DMD: variants seen among roughly 807,000 people sequenced by gnomAD.
DMD encodes the protein dystrophin.
A neutral mutation model predicts 330.1 loss-of-function variants in DMD; 63 were observed. The observed-to-expected ratio is 0.19, with a 90% CI of 0.16 to 0.24. The LOEUF is 0.24. Ranked by LOEUF, DMD falls within the 10% of genes least tolerant of loss-of-function variation. The pLI is 1.00. For missense variants in DMD, 3,344 were observed against 2,684.1 expected (o/e 1.25, Z -5.43); for synonymous variants, 1,223 against 959.8 (o/e 1.27, Z -5.07).
chrX:31,781,268 C>T (rs1035186619), intron 50 of DMD, among the ~76,000 whole-genome samples: 5 of 112,040 alleles, frequency 4.5e-5, no homozygotes, highest in Admixed American at 1.9e-4. Flanking sequence ...AGTGATGTTT[C>T]CAAGACAATG....
chrX:31,834,501 G>A (rs976893527), intron 49 of DMD, among the ~76,000 whole-genome samples: 4 of 111,723 alleles, frequency 3.6e-5, no homozygotes, highest in South Asian at 3.8e-4. Flanking sequence ...GTGCAACAGC[G>A]CGATCTCGGC....
intron 62 of DMD, among the ~76,000 whole-genome samples, chrX:31,320,491 A>G (rs2056332610): frequency 8.9e-6 from 1 of 112,271 alleles, no homozygotes; most frequent in Admixed American, 9.4e-5. Context: ...AACAAGATAA[A>G]AAAGAGGAAA....
At chrX:31,191,235 G>T (rs1436253450) in intron 67 of DMD, among the ~76,000 whole-genome samples, 5 of 111,411 alleles carry the variant, frequency 4.5e-5, no homozygotes, top group Non-Finnish European at 7.5e-5. Context: ...CTTAGTACAG[G>T]TCATAACCAT....
At chrX:31,887,647 A>G (rs1413100429) in intron 47 of DMD, among the ~76,000 whole-genome samples, 1 of 112,264 alleles carries the variant, frequency 8.9e-6, no homozygotes, top group Non-Finnish European at 1.9e-5. Flanking sequence ...CTCTGGAAGG[A>G]AATAATGATT....
At chrX:32,761,655 G>A (rs1476410107) in intron 7 of DMD, among the ~76,000 whole-genome samples, 3 of 111,471 alleles carry the variant, frequency 2.7e-5, no homozygotes, top group Admixed American at 9.5e-5. Context: ...TAATGTGCCC[G>A]CTTTGAGGGA....
intron 51 of DMD, among the ~76,000 whole-genome samples, chrX:31,765,514 T>C (rs1365949289): frequency 9.0e-6 from 1 of 111,544 alleles, no homozygotes; most frequent in Non-Finnish European, 1.9e-5. Flanking sequence ...TAAAAGACAG[T>C]CAATATATTT....
Position 31,932,276 on chromosome X carries a change from C to G in DMD, c.6615-49G>C, listed in dbSNP as rs369430892. ...TTATTTTTTTTTCCAACATAGTTCT[C>G]AAACTATTTGTTAATGCAAACTGGG... On this transcript the variant is annotated intron_variant, in intron 45 of 78. Transcript: ENST00000357033. The G allele has an allele frequency of 1.6e-4, 161 of 1,027,410 alleles. No homozygotes were observed. The African/African-American group carries it at 2.2e-3, about 14-fold the overall frequency. 84.7% of individuals were successfully genotyped at this position (1,027,410 alleles called of 1,213,427 possible).
Position 32,472,117 on chromosome X carries a change from G to A in DMD, c.2949+47C>T, listed in dbSNP as rs758971399. 2.3e-5 allele frequency: 27 copies of A among 1,177,960 alleles called. 1 individual carries two copies. Among genetic ancestry groups the A allele is most frequent in the Non-Finnish European group, 2.5e-5 (22 of 866,967 alleles). On this transcript the variant is annotated intron_variant, in intron 22 of 78. Transcript: ENST00000357033. ...ATTTAAAGGTTATATCAATGTGAAT[G>A]CTTGATAAGCGTGCTTTATTGTTTT...
At chrX:32,253,542 T>C (rs1246667271) in intron 43 of DMD, among the ~76,000 whole-genome samples, 2 of 111,052 alleles carry the variant, frequency 1.8e-5, no homozygotes, top group African/African-American at 3.3e-5. Flanking sequence ...TGTTAGATCA[T>C]CCTTACTCAT....
chrX:32,284,328 C>A (rs1023300818), intron 43 of DMD, among the ~76,000 whole-genome samples: 1 of 111,753 alleles, frequency 8.9e-6, no homozygotes, highest in African/African-American at 3.3e-5. Context: ...TTCTTGCCCT[C>A]TTGTACAGCT....
Position 32,491,428 on chromosome X carries a change from T to C in DMD, c.2471A>G (p.Asn824Ser). 8.3e-7 allele frequency: 1 copy of C among 1,211,743 alleles called. No individual in the cohort carries two copies. Among genetic ancestry groups the C allele is most frequent in the Non-Finnish European group, 1.1e-6 (1 of 895,358 alleles). Residue 824 changes from asparagine (N) to serine (S), a missense_variant, in exon 20 of 79, where the codon AAC (asparagine) becomes AGC (serine). Asn to Ser is a conservative substitution (Grantham distance 46). Transcript: ENST00000357033. ...GATGTTGTTCTGATACTCCAGCCAG[T>C]TAAGTCTCTCACTTAGCAACTGGCA... is the stretch of plus-strand genomic sequence containing the variant. ...EFCQLLSERL[N>S]WLEYQNNIIA... is the part of the protein sequence containing the mutation.
intron 2 of DMD, among the ~76,000 whole-genome samples, chrX:32,949,629 C>A (rs1249469024): frequency 9.9e-5 from 11 of 111,340 alleles, no homozygotes. Flanking sequence ...CCTTTACATT[C>A]AAAGTGTTGC....
intron 9 of DMD, among the ~76,000 whole-genome samples, chrX:32,695,311 G>A (rs185358127): frequency 1.8e-5 from 2 of 111,892 alleles, no homozygotes; most frequent in East Asian, 5.6e-4. Flanking sequence ...TTAAAACAGA[G>A]ACAAAAGCAC....
chrX:31,409,857 C>A (rs1173977204), intron 60 of DMD, among the ~76,000 whole-genome samples: 1 of 111,723 alleles, frequency 9.0e-6, no homozygotes, highest in Non-Finnish European at 1.9e-5. Flanking sequence ...CTTGCTCTAT[C>A]GCCCAGGCTG....
At chrX:31,522,361 C>CTATATATATATATATATA (rs1454794019) in intron 55 of DMD, among the ~76,000 whole-genome samples, 21 of 50,218 alleles carry the variant, frequency 4.2e-4, no homozygotes, top group Non-Finnish European at 5.1e-4. Context: ...CTCTCTCTCT[C>CTATATATATATATATATA]TCTATATATA....
chrX:32,991,331 C>T lies in DMD; in HGVS notation c.93+28808G>A, dbSNP rs73621852. On this transcript the variant is annotated intron_variant, in intron 2 of 78. Coordinates refer to ENST00000357033, the MANE Select transcript of DMD (RefSeq NM_004006.3). ...AAAGTATTTTGGAGCATAAACAATA[C>T]ACGCTAAATAATTGCAAATAGCTTT... is the stretch of plus-strand genomic sequence containing the variant. Among the ~76,000 whole-genome samples the T allele has an allele frequency of 2.3e-3, 252 of 111,274 alleles. 1 individual carries two copies. The highest frequency in any genetic ancestry group is 8.0e-3 in the African/African-American group (245 of 30,815).
At chrX:32,411,952 A>C (rs1320926179) in intron 29 of DMD, 39 bp from the exon 30 acceptor site, 1 of 1,195,512 alleles carries the variant, frequency 8.4e-7, no homozygotes, top group African/African-American at 1.8e-5. Context: ...TTAAATGTTT[A>C]CTCTTGATAG....
intron 52 of DMD, among the ~76,000 whole-genome samples, chrX:31,683,691 T>C (rs2082514199): frequency 9.0e-6 from 1 of 110,782 alleles, no homozygotes; most frequent in Non-Finnish European, 1.9e-5. Flanking sequence ...AAAGAGCAAA[T>C]AAGATGAATG....
At chrX:32,786,146 T>C (rs1355110114) in intron 7 of DMD, among the ~76,000 whole-genome samples, 2 of 108,388 alleles carry the variant, frequency 1.8e-5, no homozygotes, top group Non-Finnish European at 3.8e-5. Flanking sequence ...ATAAAAACAG[T>C]TTTCAAATCA....
Sources: gnomAD v4.1 joint callset for allele counts (sites outside exome capture counted in the v4.1 genomes callset) on GRCh38, gnomAD v4.1.1 for gene constraint, MANE v1.5 for transcripts, NCBI Gene and HGNC (gene_info 2026-07-23, HGNC 2026-07-21) for gene names.